Variants in POLR1G observed in about 807,000 individuals in gnomAD.
The protein encoded by POLR1G is DNA-directed RNA polymerase I subunit RPA34.
POLR1G carries 9 observed loss-of-function variants against 6.3 expected under a neutral mutation model. That is an observed-to-expected ratio of 1.44 (90% CI 0.87 to 2.51). The LOEUF (loss-of-function observed/expected upper bound fraction) is 2.51, where lower values mean the gene tolerates loss of function less well. Among genes scored for constraint, POLR1G ranks in the 30% most tolerant of loss-of-function variants. The pLI is 0.00. For missense variants in POLR1G, 617 were observed against 632.5 expected (o/e 0.98, Z 0.26); for synonymous variants, 248 against 256.5 (o/e 0.97, Z 0.32).
At position 45,407,116 on chromosome 19, in the gene POLR1G, C is replaced by T; in HGVS notation, c.45C>T (p.Pro15=). The T allele has an allele frequency of 6.2e-7, 1 of 1,603,756 alleles. No individual in the cohort carries two copies. Among genetic ancestry groups the T allele is most frequent in the Non-Finnish European group, 8.5e-7 (1 of 1,177,404 alleles). ...CAGATGCTGCTCGGTTCTCTTGTCC[C>T]CCCAACTTTACCGCGAAGCCCCCAG... ...QAGDAARFSC[P]PNFTAKPPAS... Residue 15 remains proline (P), a synonymous_variant, in exon 2 of 3, where the codon CCC becomes CCT. Transcript: ENST00000309424.
rs774742587 is a variant in POLR1G at position 45,408,724 on chromosome 19, G to A, written c.756G>A (p.Lys252=). 3.1e-6 allele frequency: 5 copies of A among 1,614,038 alleles called. No individual in the cohort carries two copies. The highest frequency in any genetic ancestry group is 3.3e-5 in the Admixed American group (2 of 60,016). Residue 252 remains lysine (K), a synonymous_variant, in exon 3 of 3, where the codon AAG becomes AAA. Coordinates refer to ENST00000309424, the MANE Select transcript of POLR1G (RefSeq NM_012099.3). The stretch of plus-strand genomic sequence containing the variant: ...TGCTGTTCCCGTCCACCACCAAGAA[G>A]AGGAAGAAGCCCAAAGGGAAAGAAA... ...LGVLFPSTTK[K]RKKPKGKETF...
Position 45,408,186 on chromosome 19 carries a change from T to C in POLR1G, c.218T>C (p.Leu73Ser), listed in dbSNP as rs1167269845. 9.9e-6 allele frequency: 16 copies of C among 1,612,744 alleles called. No individual in the cohort carries two copies. The highest frequency in any genetic ancestry group is 1.3e-5 in the African/African-American group (1 of 74,926). Residue 73 changes from leucine (L) to serine (S), a missense_variant, in exon 3 of 3, where the codon TTG (leucine) becomes TCG (serine). Leu to Ser is a moderately radical substitution (Grantham distance 145). Transcript: ENST00000309424. ...GGCTCCCAGATCGTCAAGGGCAAAT[T>C]GGCAGGCAAGCGGCACCGCTATCGA... ...LSGSQIVKGK[L>S]AGKRHRYRVL... is the part of the protein sequence containing the mutation.
In POLR1G at chr19:45,408,617, A is replaced by G; in HGVS notation, c.649A>G (p.Lys217Glu). The G allele has an allele frequency of 1.9e-6, 3 of 1,613,778 alleles. No individual in the cohort carries two copies. The highest frequency in any genetic ancestry group is 2.5e-6 in the Non-Finnish European group (3 of 1,180,012). The change falls in exon 3 of 3, where the codon AAA (lysine) becomes GAA (glutamate). Residue 217 changes from lysine to glutamate, a missense_variant. Transcript: ENST00000309424. ...GGATGTGCGGAAGAAGAAGAAGAAA[A>G]AAAATCAGCAGCTGAAAGAACCAGA... ...EMDVRKKKKK[K>E]NQQLKEPEAA...
In POLR1G at chr19:45,408,204, G is replaced by A. The variant is rs761801066; in HGVS notation, c.236G>A (p.Arg79His). 14 of 1,613,736 alleles carry A rather than the reference G, an allele frequency of 8.7e-6. No individual in the cohort carries two copies. The highest frequency in any genetic ancestry group is 4.4e-5 in the South Asian group (4 of 91,056). ...GGCAAATTGGCAGGCAAGCGGCACCGCTATCGAGTCCTCAGCAGCTGTCCC... is the reference window on the plus strand; with the variant it reads ...GGCAAATTGGCAGGCAAGCGGCACCACTATCGAGTCCTCAGCAGCTGTCCC... ...VKGKLAGKRH[R>H]YRVLSSCPQA... The change falls in exon 3 of 3, where the codon CGC becomes CAC. Residue 79 changes from arginine (R) to histidine (H), a missense_variant. By Grantham distance (29) the Arg-to-His change is conservative. Transcript: ENST00000309424.
Position 45,409,330 on chromosome 19 carries a change from G to T in POLR1G, c.1362G>T (p.Arg454Ser). ...CAGGGGAGGGACAGCCTGAAGCCAG[G>T]GCAACTCCGGGATCCACCAAGAAGA... ...ELPGEGQPEA[R>S]ATPGSTKKRK... Residue 454 changes from arginine (R) to serine (S), a missense_variant, in exon 3 of 3, where the codon AGG becomes AGT. By Grantham distance (110) the Arg-to-Ser change is moderately radical. Transcript: ENST00000309424. 1.2e-6 allele frequency: 2 copies of T among 1,614,066 alleles called. No individual in the cohort carries two copies. Among genetic ancestry groups the T allele is most frequent in the Non-Finnish European group, 8.5e-7 (1 of 1,180,008 alleles).
At position 45,409,292 on chromosome 19, in the gene POLR1G, G is replaced by C. The variant is rs1973540941; in HGVS notation, c.1324G>C (p.Glu442Gln). The C allele has an allele frequency of 5.0e-6, 8 of 1,613,976 alleles. No individual in the cohort carries two copies. Among genetic ancestry groups the C allele is most frequent in the South Asian group, 3.3e-5 (3 of 91,066 alleles). ...HTVTEPIQPL[E>Q]PELPGEGQPE... ...AGTGACTGAGCCAATTCAGCCACTAGAGCCTGAACTGCCAGGGGAGGGACA... is the reference window on the plus strand; with the variant it reads ...AGTGACTGAGCCAATTCAGCCACTACAGCCTGAACTGCCAGGGGAGGGACA... The change falls in exon 3 of 3, where the codon GAG becomes CAG. Residue 442 changes from glutamate (E) to glutamine (Q), a missense_variant. Physicochemically the swap from Glu to Gln is conservative, Grantham distance 29. Transcript: ENST00000309424.
chr19:45,409,175 G>A lies in POLR1G; in HGVS notation c.1207G>A (p.Val403Met). 1 of 1,613,564 alleles carries A rather than the reference G, an allele frequency of 6.2e-7. No individual in the cohort carries two copies. The highest frequency in any genetic ancestry group is 8.5e-7 in the Non-Finnish European group (1 of 1,179,694). The change falls in exon 3 of 3, where the codon GTG (valine) becomes ATG (methionine). Residue 403 changes from valine to methionine, a missense_variant. By Grantham distance (21) the Val-to-Met change is conservative. Transcript: ENST00000309424. ...QDATVEPETE[V>M]VGPELPDDLE... ...TGCCACAGTGGAGCCAGAGACAGAG[G>A]TGGTGGGGCCTGAGCTGCCGGATGA...
At position 45,409,433 on chromosome 19, in the gene POLR1G, G is replaced by C. The variant is rs2123435370; in HGVS notation, c.1465G>C (p.Glu489Gln). The C allele has an allele frequency of 6.2e-7, 1 of 1,613,620 alleles. No homozygotes were observed. Among genetic ancestry groups the C allele is most frequent in the Non-Finnish European group, 8.5e-7 (1 of 1,180,020 alleles). ...GATGCCAGGGCCGCCACTGAATTCA[G>C]AGTCTGGGGAGGAGGCTCCCACAGG... ...EEMPGPPLNS[E>Q]SGEEAPTGRD... Residue 489 changes from glutamate to glutamine, a missense_variant, in exon 3 of 3, where the codon GAG becomes CAG. Coordinates refer to ENST00000309424, the MANE Select transcript of POLR1G (RefSeq NM_012099.3).
Position 45,409,286 on chromosome 19 carries a change from C to G in POLR1G, c.1318C>G (p.Pro440Ala), listed in dbSNP as rs779058845. The change falls in exon 3 of 3, where the codon CCA becomes GCA. Residue 440 changes from proline to alanine, a missense_variant. Transcript: ENST00000309424. The part of the protein sequence containing the change: ...RGHTVTEPIQ[P>A]LEPELPGEGQ... ...TCACACAGTGACTGAGCCAATTCAG[C>G]CACTAGAGCCTGAACTGCCAGGGGA... 1.2e-5 allele frequency: 19 copies of G among 1,613,898 alleles called. 1 individual carries two copies. In the Middle Eastern group the frequency reaches 6.6e-4, roughly 56 times the overall value.
In POLR1G at chr19:45,408,490, G is replaced by T. The variant is rs143757857; in HGVS notation, c.522G>T (p.Lys174Asn). 3.7e-4 allele frequency: 602 copies of T among 1,613,976 alleles called. 1 individual carries two copies. In the African/African-American group the frequency reaches 6.8e-3, roughly 18 times the overall value. The change falls in exon 3 of 3, where the codon AAG becomes AAT. Residue 174 changes from lysine (K) to asparagine (N), a missense_variant. Lys to Asn is a moderately conservative substitution (Grantham distance 94, BLOSUM62 0). Transcript: ENST00000309424. The stretch of plus-strand genomic sequence containing the variant: ...CCCCCAACCTGCTCACCTCAGGGAA[G>T]AAGAAAAAGGAGATGCAGGTGACAG... ...ALAPNLLTSG[K>N]KKKEMQVTEA...
rs1319635946 is a variant in POLR1G, at chr19:45,408,676, G to A, written c.708G>A (p.Val236=). The change falls in exon 3 of 3, where the codon GTG becomes GTA. Residue 236 remains valine, a synonymous_variant. Transcript: ENST00000309424. ...AAGPVGTEPT[V]ETLEPLGVLF... is the part of the protein sequence containing the mutation. ...GGCCTGTGGGGACAGAGCCCACAGT[G>A]GAGACACTGGAGCCTCTGGGAGTGC... The A allele has an allele frequency of 5.0e-6, 8 of 1,613,852 alleles. No homozygotes were observed. In the African/African-American group the frequency reaches 8.0e-5, roughly 16 times the overall value.
rs34312746 is a variant in POLR1G, at chr19:45,406,671, G to A, written c.-26G>A. Reference sequence around the variant, plus strand: ...CCTGGTGCGAGCAGCCCGGGCTACAGGGTTGCCTGAGGTGTGGGTCCCAGG... The same window carrying A: ...CCTGGTGCGAGCAGCCCGGGCTACAAGGTTGCCTGAGGTGTGGGTCCCAGG... On this transcript the variant is annotated 5_prime_UTR_variant, in exon 1 of 3. Coordinates refer to ENST00000309424, the MANE Select transcript of POLR1G (RefSeq NM_012099.3). The surrounding 1 kb of genome is among the most constrained non-coding windows in gnomAD (Gnocchi z 4.2). The A allele has an allele frequency of 3.9e-4, 603 of 1,546,876 alleles. No individual in the cohort carries two copies. In the African/African-American group the frequency reaches 7.3e-3, roughly 19 times the overall value.
In POLR1G at chr19:45,408,359, C is replaced by G; in HGVS notation, c.391C>G (p.Gln131Glu). The G allele has an allele frequency of 6.2e-7, 1 of 1,607,466 alleles. No individual in the cohort carries two copies. Among genetic ancestry groups the G allele is most frequent in the Non-Finnish European group, 8.5e-7 (1 of 1,175,438 alleles). ...GCAATCCCTGTCAGGGAGCCCTCTG[C>G]AGCCCATCCCAGCAAGTCCCCCACC... ...PQQSLSGSPL[Q>E]PIPASPPPQI... The change falls in exon 3 of 3, where the codon CAG (glutamine) becomes GAG (glutamate). Residue 131 changes from glutamine to glutamate, a missense_variant. Transcript: ENST00000309424.
In POLR1G at chr19:45,408,949, G is replaced by T. The variant is rs767394181; in HGVS notation, c.981G>T (p.Thr327=). ...AGGAAGCCATCCCTCTGCCCCCTAC[G>T]AAGAAGAGGAAAAAAGAAAAGGGAC... ...PLEEAIPLPP[T]KKRKKEKGQM... Residue 327 remains threonine, a synonymous_variant, in exon 3 of 3, where the codon ACG becomes ACT. Transcript: ENST00000309424. 8 of 1,613,912 alleles carry T rather than the reference G, an allele frequency of 5.0e-6. No individual in the cohort carries two copies. The South Asian group carries it at 7.7e-5, about 16-fold the overall frequency.
At position 45,408,051 on chromosome 19, in the gene POLR1G, C is replaced by A. The variant is rs368358045; in HGVS notation, c.165-82C>A. 1.3e-5 allele frequency: 18 copies of A among 1,400,000 alleles called. No homozygotes were observed. The East Asian group carries it at 1.4e-4, about 11-fold the overall frequency. The allele number at this position is 1,400,000 out of a possible 1,614,324, so 86.7% of individuals were successfully genotyped here. On this transcript the variant is annotated intron_variant, in intron 2 of 2. Coordinates refer to ENST00000309424, the MANE Select transcript of POLR1G (RefSeq NM_012099.3). Reference sequence around the variant, plus strand: ...CCTAGGCAACAGAGCAAGACTCTCTCAAAAAAAAACAAAAAAAAAATCAAA... The same window carrying A: ...CCTAGGCAACAGAGCAAGACTCTCTAAAAAAAAAACAAAAAAAAAATCAAA...
rs765577776 is a variant in POLR1G at position 45,408,367 on chromosome 19, C to T, written c.399C>T (p.Ile133=). ...QSLSGSPLQP[I]PASPPPQIPP... ...TGTCAGGGAGCCCTCTGCAGCCCAT[C>T]CCAGCAAGTCCCCCACCACAGATCC... The change falls in exon 3 of 3, where the codon ATC becomes ATT. Residue 133 remains isoleucine (I), a synonymous_variant. Transcript: ENST00000309424. 9 of 1,607,836 alleles carry T rather than the reference C, an allele frequency of 5.6e-6. No individual in the cohort carries two copies. The African/African-American group carries it at 9.4e-5, about 17-fold the overall frequency.
Position 45,408,639 on chromosome 19 carries a change from C to T in POLR1G, c.671C>T (p.Pro224Leu). 1 of 1,613,674 alleles carries T rather than the reference C, an allele frequency of 6.2e-7. No homozygotes were observed. Among genetic ancestry groups the T allele is most frequent in the Non-Finnish European group, 8.5e-7 (1 of 1,179,996 alleles). ...AAAAAAAATCAGCAGCTGAAAGAAC[C>T]AGAGGCAGCAGGGCCTGTGGGGACA... The part of the protein sequence containing the change: ...KKKKNQQLKE[P>L]EAAGPVGTEP... Residue 224 changes from proline (P) to leucine (L), a missense_variant, in exon 3 of 3, where the codon CCA becomes CTA. Physicochemically the swap from Pro to Leu is moderately conservative, Grantham distance 98 (BLOSUM62 -3). Transcript: ENST00000309424.
chr19:45,406,692 C>G lies in POLR1G; in HGVS notation c.-5C>G. 6.5e-7 allele frequency: 1 copy of G among 1,542,184 alleles called. No homozygotes were observed. The highest frequency in any genetic ancestry group is 1.2e-5 in the South Asian group (1 of 83,100). ...TACAGGGTTGCCTGAGGTGTGGGTC[C>G]CAGGATGGAGGAGCCCCAGGCCGGC... On this transcript the variant is annotated 5_prime_UTR_variant, in exon 1 of 3. Coordinates refer to ENST00000309424, the MANE Select transcript of POLR1G (RefSeq NM_012099.3). The surrounding 1 kb of genome is among the most constrained non-coding windows in gnomAD (Gnocchi z 4.2).
chr19:45,406,928 C>A lies in POLR1G; in HGVS notation c.23-166C>A. 2 of 1,043,886 alleles carry A rather than the reference C, an allele frequency of 1.9e-6. No homozygotes were observed. The highest frequency in any genetic ancestry group is 2.7e-6 in the Non-Finnish European group (2 of 735,636). 64.7% of individuals were successfully genotyped at this position (1,043,886 alleles called of 1,614,324 possible). Reference sequence around the variant, plus strand: ...AGCAAGGCGCCCCCAGGGGTTGGATCGGTGAAATTGAGGTCGCCCCTGGGG... The same window carrying A: ...AGCAAGGCGCCCCCAGGGGTTGGATAGGTGAAATTGAGGTCGCCCCTGGGG... On this transcript the variant is annotated intron_variant, in intron 1 of 2. Coordinates refer to ENST00000309424, the MANE Select transcript of POLR1G (RefSeq NM_012099.3). This position sits in a 1 kb window ranked among gnomAD's most constrained non-coding sequence, Gnocchi z 4.2.
Sources: allele counts gnomAD v4.1 joint callset, GRCh38; gene constraint gnomAD v4.1.1; non-coding constraint Gnocchi (gnomAD v3.1); transcripts MANE v1.5; gene names NCBI Gene and HGNC (gene_info 2026-07-23, HGNC 2026-07-21).